The following ITPK1 variants were observed in gnomAD, a reference collection of about 807,000 sequenced individuals.
ITPK1 encodes the protein inositol-tetrakisphosphate 1-kinase, also known as inositol 1,3,4-trisphosphate 5/6-kinase.
Under a neutral mutation model 45.3 loss-of-function variants are expected in ITPK1, and 21 were observed. That is an observed-to-expected ratio of 0.46 (90% CI 0.33 to 0.67). The LOEUF (loss-of-function observed/expected upper bound fraction) is 0.67. Among genes scored for constraint, ITPK1 ranks in the 30% least tolerant of loss-of-function variants. The pLI, the probability that ITPK1 is intolerant of heterozygous loss-of-function variation, is 0.02. For synonymous variants in ITPK1, 258 were observed against 253.6 expected (o/e 1.02, Z -0.16); for missense variants, 474 against 573.5 (o/e 0.83, Z 1.77).
chr14:93,085,021 C>T (rs924379627), intron 2 of ITPK1, among the ~76,000 whole-genome samples: 4 of 152,238 alleles, frequency 2.6e-5, no homozygotes, highest in African/African-American at 9.6e-5. Flanking sequence ...CTGGGCCTGG[C>T]AGGCTCTCTG....
At position 92,956,877 on chromosome 14, in the gene ITPK1, C is replaced by A. The variant is rs555319283; in HGVS notation, c.670+1324G>T. Among the ~76,000 whole-genome samples the A allele has an allele frequency of 2.6e-5, 4 of 152,372 alleles. No homozygotes were observed. The South Asian group carries it at 8.3e-4, about 32-fold the overall frequency. ...GCCACATATAAAAATATGCTTCCAG[C>A]ATTTGGCTCCCACCCAGTGGGCAGG... On this transcript the variant is annotated intron_variant, in intron 8 of 10. Coordinates refer to ENST00000267615, the MANE Select transcript of ITPK1 (RefSeq NM_014216.6).
At chr14:93,009,607 C>T (rs757124130) in intron 4 of ITPK1, among the ~76,000 whole-genome samples, 29 of 152,240 alleles carry the variant, frequency 1.9e-4, no homozygotes, top group Admixed American at 1.3e-4. Flanking sequence ...GATTGTGTGG[C>T]TGTCTCCACC....
intron 5 of ITPK1, among the ~76,000 whole-genome samples, chr14:92,978,028 A>T (rs1426872877): frequency 1.3e-5 from 2 of 152,004 alleles, no homozygotes; most frequent in East Asian, 3.8e-4. Flanking sequence ...GACTTGTGGA[A>T]TGGTTGTGAC....
At chr14:92,942,000 A>ATGAG in intron 10 of ITPK1, 96 bp from the exon 11 acceptor site, 1 of 1,065,740 alleles carries the variant, frequency 9.4e-7, no homozygotes, top group Non-Finnish European at 1.4e-6. Flanking sequence ...GGCTCCTGGG[A>ATGAG]TGAGGCAGGG....
chr14:93,023,838 G>A (rs1174513851), intron 3 of ITPK1, among the ~76,000 whole-genome samples: 1 of 152,112 alleles, frequency 6.6e-6, no homozygotes, highest in Non-Finnish European at 1.5e-5. Flanking sequence ...AGCATCCTAG[G>A]AAAGCTCACC....
chr14:93,005,214 T>C (rs374774810), intron 4 of ITPK1, among the ~76,000 whole-genome samples: 16 of 152,216 alleles, frequency 1.1e-4, no homozygotes, highest in Admixed American at 5.2e-4. Context: ...GACCTCACTG[T>C]TCAGGAAGAA....
At chr14:92,984,240 C>G (rs1250193751) in intron 5 of ITPK1, among the ~76,000 whole-genome samples, 1 of 152,168 alleles carries the variant, frequency 6.6e-6, no homozygotes, top group Non-Finnish European at 1.5e-5. Context: ...ACAGGGAACT[C>G]AAGAACAGAC....
At position 93,063,307 on chromosome 14, in the gene ITPK1, C is replaced by T. The variant is rs1890610910; in HGVS notation, c.120+13288G>A. ...CCCTCCTGCCCAGGGACCCCTGGTC[C>T]CCCACCCACCTGAGATGGCAGAGAC... On this transcript the variant is annotated intron_variant, in intron 3 of 10. Coordinates refer to ENST00000267615, the MANE Select transcript of ITPK1 (RefSeq NM_014216.6). The surrounding 1 kb of genome is among the most constrained non-coding windows in gnomAD (Gnocchi z 4.3). 6.6e-6 allele frequency among the ~76,000 whole-genome samples: 1 copy of T among 152,198 alleles called. No individual in the cohort carries two copies. The highest frequency in any genetic ancestry group is 2.1e-4 in the South Asian group (1 of 4,822).
intron 4 of ITPK1, among the ~76,000 whole-genome samples, chr14:93,000,194 T>A (rs766174211): frequency 6.6e-6 from 1 of 152,240 alleles, no homozygotes; most frequent in African/African-American, 2.4e-5. Flanking sequence ...TTAGGAGCAA[T>A]GCCGCTGTGA....
chr14:93,083,257 G>A lies in ITPK1; in HGVS notation c.96-6638C>T, dbSNP rs145945872. Among the ~76,000 whole-genome samples the A allele has an allele frequency of 5.6e-3, 849 of 152,246 alleles. 10 individuals are homozygous for A. The highest frequency in any genetic ancestry group is 0.019 in the African/African-American group (808 of 41,534). On this transcript the variant is annotated intron_variant, in intron 2 of 10. Transcript: ENST00000267615. Reference sequence around the variant, plus strand: ...ACAGACCCCATCCAGCAGCAGGCCTGCCACACAGCACAGCAGGGCACAAAA... The same window carrying A: ...ACAGACCCCATCCAGCAGCAGGCCTACCACACAGCACAGCAGGGCACAAAA...
intron 3 of ITPK1, among the ~76,000 whole-genome samples, chr14:93,061,476 G>A (rs945565789): frequency 6.6e-6 from 1 of 152,166 alleles, no homozygotes; most frequent in Non-Finnish European, 1.5e-5. Context: ...CAGCCTCATG[G>A]GCAGAGAGAG....
At chr14:93,002,631 G>T (rs550826481) in intron 4 of ITPK1, among the ~76,000 whole-genome samples, 1 of 152,162 alleles carries the variant, frequency 6.6e-6, no homozygotes, top group Non-Finnish European at 1.5e-5. Context: ...GGCCGGGTGT[G>T]TTCCATTTGG....
intron 4 of ITPK1, among the ~76,000 whole-genome samples, chr14:93,002,390 G>C: frequency 6.6e-6 from 1 of 152,330 alleles, no homozygotes; most frequent in Admixed American, 6.5e-5. Context: ...AAAGCACCTA[G>C]TAGGTGGCCA....
At chr14:93,013,304 C>CAA (rs139342357) in intron 4 of ITPK1, among the ~76,000 whole-genome samples, 38,350 of 151,732 alleles carry the variant, frequency 0.25, 5,223 homozygotes, top group Admixed American at 0.35. Context: ...CAAACAAAAA[C>CAA]AAAAAAAATC....
At chr14:92,961,704 T>G (rs1178162873) in intron 7 of ITPK1, among the ~76,000 whole-genome samples, 1 of 152,182 alleles carries the variant, frequency 6.6e-6, no homozygotes, top group Admixed American at 6.5e-5. Context: ...GAGGCATGAC[T>G]CGCACAAGCT....
intron 5 of ITPK1, among the ~76,000 whole-genome samples, chr14:92,993,000 G>T (rs992545598): frequency 2.0e-5 from 3 of 152,252 alleles, no homozygotes; most frequent in African/African-American, 7.2e-5. Context: ...CTGGAGCTGT[G>T]AGCCAAATGG....
At chr14:92,971,301 T>C (rs960475391) in intron 5 of ITPK1, among the ~76,000 whole-genome samples, 3 of 152,204 alleles carry the variant, frequency 2.0e-5, no homozygotes, top group Non-Finnish European at 1.5e-5. Context: ...TTGCTTTGTT[T>C]TGTCTCAGTT....
rs534757910 is a variant in ITPK1, at chr14:92,952,319, C to T, written c.671-306G>A. ...GTTCCCAAAGTGTGCTGTCACTATACAGGGAAGTAGGGGAAAAGGGCTCGG... is the reference window on the plus strand; with the variant it reads ...GTTCCCAAAGTGTGCTGTCACTATATAGGGAAGTAGGGGAAAAGGGCTCGG... On this transcript the variant is annotated intron_variant, in intron 8 of 10. Coordinates refer to ENST00000267615, the MANE Select transcript of ITPK1 (RefSeq NM_014216.6). Among the ~76,000 whole-genome samples the T allele has an allele frequency of 2.0e-5, 3 of 152,290 alleles. No homozygotes were observed. In the East Asian group the frequency reaches 5.8e-4, roughly 29 times the overall value.
intron 5 of ITPK1, among the ~76,000 whole-genome samples, chr14:92,976,504 T>G (rs145084423): frequency 1.3e-5 from 2 of 152,196 alleles, no homozygotes; most frequent in Non-Finnish European, 2.9e-5. Flanking sequence ...TGCAGATTCA[T>G]GAGCACAAGA....
Sources: allele counts gnomAD v4.1 joint callset (sites outside exome capture counted in the v4.1 genomes callset), GRCh38; gene constraint gnomAD v4.1.1; non-coding constraint Gnocchi (gnomAD v3.1); transcripts MANE v1.5; gene names NCBI Gene and HGNC (gene_info 2026-07-23, HGNC 2026-07-21).